The following CFAP61 variants were observed in gnomAD, a reference collection of about 807,000 sequenced individuals.
CFAP61 encodes cilia- and flagella-associated protein 61.
CFAP61 carries 107 observed loss-of-function variants against 135.6 expected under a neutral mutation model. That is an observed-to-expected ratio of 0.79 (90% CI 0.67 to 0.93). The LOEUF is 0.93. Among genes scored for constraint, CFAP61 ranks in the 40% least tolerant of loss-of-function variants. The pLI is 0.00. For synonymous variants in CFAP61, 575 were observed against 578.5 expected (o/e 0.99, Z 0.09); for missense variants, 1,507 against 1,556.2 (o/e 0.97, Z 0.53).
intron 6 of CFAP61, among the ~76,000 whole-genome samples, chr20:20,082,976 C>T (rs2046533602): frequency 6.6e-6 from 1 of 150,878 alleles, no homozygotes; most frequent in Non-Finnish European, 1.5e-5. Flanking sequence ...CTCAATCCAG[C>T]AATCCCACTA....
chr20:20,247,700 A>C (rs1188345085), intron 19 of CFAP61, among the ~76,000 whole-genome samples: 3 of 152,172 alleles, frequency 2.0e-5, no homozygotes, highest in Non-Finnish European at 4.4e-5. Flanking sequence ...GTCTCCATCT[A>C]CTTAATTCTC....
At chr20:20,262,858 G>T in intron 20 of CFAP61, 98 bp from the exon 21 acceptor site, 16 of 523,734 alleles carry the variant, frequency 3.1e-5, no homozygotes, top group Non-Finnish European at 4.1e-5. Flanking sequence ...GACAGAAAAA[G>T]ACATACTGAA....
chr20:20,287,982 G>C (rs1006243521), intron 22 of CFAP61, among the ~76,000 whole-genome samples: 5 of 152,160 alleles, frequency 3.3e-5, no homozygotes, highest in Non-Finnish European at 7.4e-5. Flanking sequence ...CTCACACAGT[G>C]CCTGGCATAT....
chr20:20,321,334 T>C (rs778282041), intron 25 of CFAP61, among the ~76,000 whole-genome samples: 67 of 151,748 alleles, frequency 4.4e-4, no homozygotes, highest in Non-Finnish European at 8.8e-4. Flanking sequence ...ACATGGGCCA[T>C]GAGTCGTTAA....
chr20:20,282,943 A>AT (rs1018611718), intron 22 of CFAP61, among the ~76,000 whole-genome samples: 1 of 151,728 alleles, frequency 6.6e-6, no homozygotes, highest in African/African-American at 2.4e-5. Context: ...TGTCTCAAAA[A>AT]AAAAAAAAAA....
rs148579855 is a variant in CFAP61 at position 20,227,321 on chromosome 20, A to G, written c.1933-928A>G. 6.4e-3 allele frequency among the ~76,000 whole-genome samples: 968 copies of G among 152,362 alleles called. 13 individuals carry two copies. The highest frequency in any genetic ancestry group is 5.0e-3 in the Non-Finnish European group (339 of 68,040). ...CAGCATGGGATGAGGTGATAAGAAT[A>G]TCTTTCCACTGACTTCTGGTCACCA... is the stretch of plus-strand genomic sequence containing the variant. On this transcript the variant is annotated intron_variant, in intron 17 of 26. Transcript: ENST00000245957.
intron 17 of CFAP61, among the ~76,000 whole-genome samples, chr20:20,217,447 A>G (rs1219951579): frequency 6.6e-6 from 1 of 152,212 alleles, no homozygotes; most frequent in Admixed American, 6.5e-5. Context: ...GAAAATATCC[A>G]GGAGTGAAAA....
intron 19 of CFAP61, among the ~76,000 whole-genome samples, chr20:20,248,499 A>AT (rs2050634607): frequency 6.6e-6 from 1 of 152,110 alleles, no homozygotes; most frequent in Non-Finnish European, 1.5e-5. Flanking sequence ...CACCGCCCCC[A>AT]TCCAGCCTCT....
intron 25 of CFAP61, among the ~76,000 whole-genome samples, chr20:20,300,598 G>GTTT (rs1275064291): frequency 6.0e-5 from 9 of 148,832 alleles, no homozygotes; most frequent in African/African-American, 2.0e-4. Flanking sequence ...GGGTTCTTTT[G>GTTT]TTTTTTTTGT....
In CFAP61 at chr20:20,103,946, T is replaced by C. The variant is rs1600666724; in HGVS notation, c.859+5132T>C. On this transcript the variant is annotated intron_variant, in intron 8 of 26. Coordinates refer to ENST00000245957, the MANE Select transcript of CFAP61 (RefSeq NM_015585.4). ...AAAAACAAAACTTTTGTTCCTCATG[T>C]AGGCCGTTGAGATCTGGGCAGCATG... is the stretch of plus-strand genomic sequence containing the variant. Among the ~76,000 whole-genome samples the C allele has an allele frequency of 2.0e-5, 3 of 152,354 alleles. No homozygotes were observed. In the East Asian group the frequency reaches 5.8e-4, roughly 29 times the overall value.
In CFAP61 at chr20:20,360,297, A is replaced by G. The variant is rs763076867; in HGVS notation, c.3601A>G (p.Lys1201Glu). The G allele has an allele frequency of 1.2e-6, 2 of 1,613,944 alleles. No individual in the cohort carries two copies. The highest frequency in any genetic ancestry group is 1.7e-6 in the Non-Finnish European group (2 of 1,179,994). ...NPTEKPRQYL[K>E]RVFEESIYKT... ...GACTGAGAAGCCCAGGCAATACCTC[A>G]AAAGAGTTTTTGAGGAATCCATCTA... Residue 1201 changes from lysine to glutamate, a missense_variant, in exon 27 of 27, where the codon AAA (lysine) becomes GAA (glutamate). Lys to Glu is a moderately conservative substitution (Grantham distance 56). Coordinates refer to ENST00000245957, the MANE Select transcript of CFAP61 (RefSeq NM_015585.4).
chr20:20,333,509 CTTTG>C (rs1433909738), intron 25 of CFAP61, among the ~76,000 whole-genome samples: 1 of 152,216 alleles, frequency 6.6e-6, no homozygotes, highest in Non-Finnish European at 1.5e-5. Flanking sequence ...AAGCATCGGT[CTTTG>C]TTTAGTCAAC....
At chr20:20,297,977 C>T (rs567309810) in intron 24 of CFAP61, among the ~76,000 whole-genome samples, 1 of 152,192 alleles carries the variant, frequency 6.6e-6, no homozygotes, top group Non-Finnish European at 1.5e-5. Context: ...TTTTAAATAT[C>T]CTTGTAGTCC....
chr20:20,298,852 C>A (rs956632890), intron 25 of CFAP61, among the ~76,000 whole-genome samples: 2 of 152,148 alleles, frequency 1.3e-5, no homozygotes, highest in Admixed American at 1.3e-4. Context: ...ATTTGTCCAG[C>A]GTTTTGGTAA....
At chr20:20,229,177 C>A (rs982191592) in intron 18 of CFAP61, among the ~76,000 whole-genome samples, 1 of 152,262 alleles carries the variant, frequency 6.6e-6, no homozygotes, top group African/African-American at 2.4e-5. Flanking sequence ...TTTCCAGCAT[C>A]CCCAGTCTCT....
Position 20,075,518 on chromosome 20 carries a change from G to T in CFAP61, c.469G>T (p.Val157Leu). ...GSTLITVFDQ[V>L]GNIPCLTYEE... ...AACTCTCATAACTGTTTTTGACCAAGTGGGGAACATCCCGTGTCTGACGTA... is the reference window on the plus strand; with the variant it reads ...AACTCTCATAACTGTTTTTGACCAATTGGGGAACATCCCGTGTCTGACGTA... Residue 157 changes from valine to leucine, a missense_variant, in exon 6 of 27, where the codon GTG becomes TTG. Val to Leu is a conservative substitution (Grantham distance 32). Transcript: ENST00000245957. 6.2e-7 allele frequency: 1 copy of T among 1,614,092 alleles called. No individual in the cohort carries two copies. Among genetic ancestry groups the T allele is most frequent in the African/African-American group, 1.3e-5 (1 of 75,032 alleles).
At chr20:20,296,006 CTTCCCTCCTTTCCTTCCTTCTTTCT>C (rs2055413358) in intron 24 of CFAP61, among the ~76,000 whole-genome samples, 1 of 94,646 alleles carries the variant, frequency 1.1e-5, no homozygotes, top group Non-Finnish European at 2.4e-5. Flanking sequence ...TCCTTCCTTC[CTTCCCTCCTTTCCTTCCTTCTTTCT>C]TTTCTTCCTC....
At chr20:20,267,659 T>TA (rs2052890712) in intron 21 of CFAP61, 1 of 152,510 alleles carries the variant, frequency 6.6e-6, no homozygotes, top group Non-Finnish European at 1.5e-5. Context: ...GTAGTTCAGC[T>TA]AAAGATGGGG....
At position 20,075,218 on chromosome 20, in the gene CFAP61, A is replaced by G; in HGVS notation, c.401A>G (p.His134Arg). The G allele has an allele frequency of 6.2e-7, 1 of 1,614,096 alleles. No homozygotes were observed. Among genetic ancestry groups the G allele is most frequent in the Non-Finnish European group, 8.5e-7 (1 of 1,179,990 alleles). ...GTGTATAAGGCAGTGCCAGAGCTGC[A>G]CTTCATATTTCTCATCGTGCCATCC... ...RTVYKAVPEL[H>R]FIFLIVPSYM... Residue 134 changes from histidine (H) to arginine (R), a missense_variant, in exon 5 of 27, where the codon CAC (histidine) becomes CGC (arginine). Coordinates refer to ENST00000245957, the MANE Select transcript of CFAP61 (RefSeq NM_015585.4).
Sources: gnomAD v4.1 joint callset for allele counts (sites outside exome capture counted in the v4.1 genomes callset) on GRCh38, gnomAD v4.1.1 for gene constraint, MANE v1.5 for transcripts, NCBI Gene and HGNC (gene_info 2026-07-23, HGNC 2026-07-21) for gene names.